MGA: variants seen among roughly 807,000 people sequenced by gnomAD.
MGA encodes the protein MAX dimerization protein MGA.
Under a neutral mutation model 261.1 loss-of-function variants are expected in MGA, and 40 were observed. The ratio of observed to expected loss-of-function variants is 0.15; its 90% confidence interval spans 0.12 to 0.20. MGA has a LOEUF of 0.20. Among genes scored for constraint, MGA ranks in the 10% least tolerant of loss-of-function variants. MGA has a pLI of 1.00. For synonymous variants in MGA, 1,302 were observed against 1,290.6 expected, an observed-to-expected ratio of 1.01 and a Z score of -0.19; for missense variants, 3,397 against 3,630.5, an observed-to-expected ratio of 0.94 and a Z score of 1.65.
rs747689099 is a variant in MGA at position 41,754,526 on chromosome 15, C to T, written c.7098C>T (p.His2366=). 3 of 1,588,214 alleles carry T rather than the reference C, an allele frequency of 1.9e-6. No homozygotes were observed. The highest frequency in any genetic ancestry group is 2.7e-5 in the African/African-American group (2 of 74,692). ...TCTCAGAGGAAATTAATGTTGCTCA[C>T]CTGAAGACCACAGCGGCCCACACAC... Residue 2366 remains histidine (H), a synonymous_variant, in exon 18 of 24, where the codon CAC becomes CAT. Coordinates refer to ENST00000219905, the MANE Select transcript of MGA (RefSeq NM_001164273.2).
At chr15:41,747,406 GTTAAA>G (rs1595957079) in intron 15 of MGA, among the ~76,000 whole-genome samples, 1 of 152,112 alleles carries the variant, frequency 6.6e-6, no homozygotes, top group Non-Finnish European at 1.5e-5. Flanking sequence ...TAATTTTAAA[GTTAAA>G]TTGTGCAGAA....
At chr15:41,699,499 G>GTC (rs1455761618) in intron 5 of MGA, among the ~76,000 whole-genome samples, 1 of 152,014 alleles carries the variant, frequency 6.6e-6, no homozygotes, top group African/African-American at 2.4e-5. Flanking sequence ...GTTTATGTGT[G>GTC]TGTGTGTGTG....
intron 2 of MGA, among the ~76,000 whole-genome samples, chr15:41,678,421 A>T (rs1393164764): frequency 6.6e-6 from 1 of 151,164 alleles, no homozygotes; most frequent in Non-Finnish European, 1.5e-5. Context: ...GTAAGGCTTC[A>T]GCTTCATTCT....
chr15:41,708,235 A>G (rs2060213235), intron 7 of MGA, 27 bp downstream of exon 7: 1 of 1,452,428 alleles, frequency 6.9e-7, no homozygotes, highest in Non-Finnish European at 9.4e-7. Flanking sequence ...AATTTTTTAA[A>G]TGTTCTGAAA....
intron 2 of MGA, among the ~76,000 whole-genome samples, chr15:41,674,908 T>C (rs998544741): frequency 2.0e-5 from 3 of 152,262 alleles, no homozygotes; most frequent in African/African-American, 7.2e-5. Flanking sequence ...TTCATTATTA[T>C]AGAGAATTCC....
At chr15:41,729,027 G>C in intron 10 of MGA, 137 bp from the exon 11 acceptor site, 1 of 832,674 alleles carries the variant, frequency 1.2e-6, no homozygotes, top group Non-Finnish European at 1.9e-6. Flanking sequence ...AACTGTACTT[G>C]TGCTGTTTGA....
At chr15:41,690,479 G>C (rs2059217560) in intron 2 of MGA, among the ~76,000 whole-genome samples, 1 of 152,158 alleles carries the variant, frequency 6.6e-6, no homozygotes, top group Non-Finnish European at 1.5e-5. Flanking sequence ...CTTGGCAATT[G>C]AATCAGTTGA....
chr15:41,700,077 C>G (rs999835522), intron 5 of MGA, among the ~76,000 whole-genome samples: 1 of 129,320 alleles, frequency 7.7e-6, no homozygotes, highest in Non-Finnish European at 1.6e-5. Flanking sequence ...TGCGCAGTCT[C>G]GCTCTCGCCC....
At chr15:41,687,238 T>G (rs2059017777) in intron 2 of MGA, among the ~76,000 whole-genome samples, 1 of 152,206 alleles carries the variant, frequency 6.6e-6, no homozygotes, top group Non-Finnish European at 1.5e-5. Flanking sequence ...GGATCATATG[T>G]GCCTACCGTT....
intron 1 of MGA, among the ~76,000 whole-genome samples, chr15:41,662,463 A>T (rs892658625): frequency 3.3e-5 from 5 of 152,216 alleles, no homozygotes; most frequent in African/African-American, 1.2e-4. Flanking sequence ...AGTGTTTCAG[A>T]TAATATTTTG....
intron 9 of MGA, among the ~76,000 whole-genome samples, chr15:41,722,174 G>A (rs1410085098): frequency 1.5e-5 from 2 of 132,278 alleles, no homozygotes; most frequent in African/African-American, 5.7e-5. Context: ...CTCTCGCCCA[G>A]GCTGGAGTGC....
intron 5 of MGA, among the ~76,000 whole-genome samples, chr15:41,699,727 C>T (rs1039919080): frequency 3.3e-5 from 5 of 152,198 alleles, no homozygotes; most frequent in Admixed American, 3.3e-4. Flanking sequence ...GTCTTGATCT[C>T]CTGACCTTGT....
chr15:41,634,261 C>G (rs770724100), intron 1 of MGA, among the ~76,000 whole-genome samples: 9 of 152,134 alleles, frequency 5.9e-5, no homozygotes, highest in Non-Finnish European at 1.3e-4. Context: ...TTTTGTAGTA[C>G]CTAGCAAGCA....
intron 7 of MGA, 42 bp downstream of exon 7, chr15:41,708,250 T>A: frequency 7.5e-7 from 1 of 1,329,712 alleles, no homozygotes; most frequent in Non-Finnish European, 1.0e-6. Flanking sequence ...CTGAAACATG[T>A]AGCCAGAAAC....
chr15:41,672,260 TCTC>T (rs1466769570), intron 2 of MGA, among the ~76,000 whole-genome samples: 1 of 152,154 alleles, frequency 6.6e-6, no homozygotes, highest in Non-Finnish European at 1.5e-5. Flanking sequence ...CTTGGGTGAT[TCTC>T]CTACCTCAGC....
rs568889495 is a variant in MGA, at chr15:41,766,602, C to G, written c.8520C>G (p.Asp2840Glu). Residue 2840 changes from aspartate (D) to glutamate (E), a missense_variant, in exon 24 of 24, where the codon GAC becomes GAG. Asp to Glu is a conservative substitution (Grantham distance 45, BLOSUM62 2). Transcript: ENST00000219905. ...TTCTTAATCAACAACTAAATGATGA[C>G]TCTGTTGGCCTGGCTGAACTACCCA... is the stretch of plus-strand genomic sequence containing the variant. The G allele has an allele frequency of 1.2e-6, 2 of 1,613,974 alleles. No individual in the cohort carries two copies. The highest frequency in any genetic ancestry group is 2.2e-5 in the South Asian group (2 of 91,078).
intron 11 of MGA, among the ~76,000 whole-genome samples, chr15:41,729,689 C>G (rs979324176): frequency 6.6e-6 from 1 of 151,694 alleles, no homozygotes; most frequent in Non-Finnish European, 1.5e-5. Flanking sequence ...TTAGCTGGGC[C>G]TGGTGCCGCA....
In MGA at chr15:41,766,804, G is replaced by A. The variant is rs78282860; in HGVS notation, c.8722G>A (p.Asp2908Asn). The change falls in exon 24 of 24, where the codon GAC becomes AAC. Residue 2908 changes from aspartate (D) to asparagine (N), a missense_variant. Coordinates refer to ENST00000219905, the MANE Select transcript of MGA (RefSeq NM_001164273.2). The stretch of plus-strand genomic sequence containing the variant: ...CCTCCTCTTGCACTTGGAAGACGAT[G>A]ACTTTTCTGAGAATGAAAAACAACT... 111 of 1,614,026 alleles carry A rather than the reference G, an allele frequency of 6.9e-5. 1 individual carries two copies. The East Asian group carries it at 2.3e-3, about 33-fold the overall frequency.
chr15:41,627,680 G>A (rs2056488458), intron 1 of MGA, among the ~76,000 whole-genome samples: 3 of 152,154 alleles, frequency 2.0e-5, no homozygotes. Flanking sequence ...ACATTGACAA[G>A]CCTAATAATA....
Sources: allele counts gnomAD v4.1 joint callset (sites outside exome capture counted in the v4.1 genomes callset), GRCh38; gene constraint gnomAD v4.1.1; transcripts MANE v1.5; gene names NCBI Gene and HGNC (gene_info 2026-07-23, HGNC 2026-07-21).